The following NOP58 variants were observed in gnomAD, a reference collection of about 807,000 sequenced individuals.
The protein encoded by NOP58 is NOP58 ribonucleoprotein.
In NOP58, 44 loss-of-function variants were observed where a neutral mutation model predicts 71.2. The ratio of observed to expected loss-of-function variants is 0.62; its 90% confidence interval spans 0.49 to 0.79. The LOEUF (loss-of-function observed/expected upper bound fraction) is 0.79. Among genes scored for constraint, NOP58 ranks in the 30% least tolerant of loss-of-function variants. NOP58 has a pLI of 0.00. For missense variants in NOP58, 538 were observed against 620.2 expected (o/e 0.87, Z 1.41); for synonymous variants, 228 against 200.3 (o/e 1.14, Z -1.17).
intron 4 of NOP58, among the ~76,000 whole-genome samples, chr2:202,283,031 G>C (rs1210052136): frequency 6.6e-6 from 1 of 152,102 alleles, no homozygotes; most frequent in East Asian, 1.9e-4. Context: ...GGCTAACACA[G>C]TGAAACCCTG....
rs1215387276 is a variant in NOP58 at position 202,287,705 on chromosome 2, A to G, written c.480A>G (p.Thr160=). The G allele has an allele frequency of 1.2e-6, 2 of 1,612,974 alleles. No individual in the cohort carries two copies. The highest frequency in any genetic ancestry group is 1.7e-5 in the Admixed American group (1 of 60,010). The part of the protein sequence containing the change: ...RLKFSADKVD[T]MIVQAISLLD... ...AGTTTAGCGCTGATAAAGTAGACAC[A>G]ATGATTGTTCAGGCAATTTGTAAGT... Residue 160 remains threonine (T), a synonymous_variant, in exon 6 of 15, where the codon ACA becomes ACG. Coordinates refer to ENST00000264279, the MANE Select transcript of NOP58 (RefSeq NM_015934.5).
chr2:202,285,394 G>C (rs1295795735), intron 5 of NOP58, among the ~76,000 whole-genome samples: 3 of 145,700 alleles, frequency 2.1e-5, no homozygotes, highest in African/African-American at 7.8e-5. Context: ...TGTTGCTCAG[G>C]CTGGGGTGCA....
chr2:202,292,689 A>G (rs1432639951), intron 8 of NOP58, 88 bp from the exon 9 acceptor site: 1 of 1,042,396 alleles, frequency 9.6e-7, no homozygotes, highest in African/African-American at 1.6e-5. Flanking sequence ...CTGCTCTTTC[A>G]TAATTGAGGG....
intron 6 of NOP58, among the ~76,000 whole-genome samples, chr2:202,289,672 A>G (rs1688854434): frequency 6.6e-6 from 1 of 152,214 alleles, no homozygotes; most frequent in East Asian, 1.9e-4. Flanking sequence ...TCAACATGAT[A>G]AACCTTGAAA....
chr2:202,273,283 C>T (rs138492923), intron 1 of NOP58, among the ~76,000 whole-genome samples: 194 of 152,268 alleles, frequency 1.3e-3, no homozygotes, highest in Non-Finnish European at 2.4e-3. Context: ...CAAATAAAAC[C>T]ATTGTGTTCC....
At chr2:202,274,939 C>G (rs1380554016) in intron 1 of NOP58, among the ~76,000 whole-genome samples, 174 bp from the exon 2 acceptor site, 1 of 152,022 alleles carries the variant, frequency 6.6e-6, no homozygotes, top group Non-Finnish European at 1.5e-5. Context: ...ATGGGCAATT[C>G]GAACTAGTAA....
chr2:202,291,211 T>C lies in NOP58; in HGVS notation c.721T>C (p.Ser241Pro). Residue 241 changes from serine (S) to proline (P), a missense_variant, in exon 8 of 15, where the codon TCA becomes CCA. Coordinates refer to ENST00000264279, the MANE Select transcript of NOP58 (RefSeq NM_015934.5). ...AGAAGTGAAAGCAGCTGCAGAGATA[T>C]CAATGGGAACAGAGGTTTCAGAAGA... is the stretch of plus-strand genomic sequence containing the variant. Reference protein sequence around the residue: ...EAEVKAAAEISMGTEVSEEDI... With the variant: ...EAEVKAAAEIPMGTEVSEEDI... The C allele has an allele frequency of 1.2e-6, 2 of 1,612,982 alleles. No individual in the cohort carries two copies. The highest frequency in any genetic ancestry group is 1.7e-6 in the Non-Finnish European group (2 of 1,179,646).
At chr2:202,300,953 T>C (rs1336855096) in intron 13 of NOP58, among the ~76,000 whole-genome samples, 1 of 152,206 alleles carries the variant, frequency 6.6e-6, no homozygotes, top group East Asian at 1.9e-4. Context: ...TTTAACTTGG[T>C]TTCTAAGTAG....
chr2:202,293,047 C>G lies in NOP58; in HGVS notation c.907+144C>G, dbSNP rs757438659. ...ATGATATGTGGGAGATCACTAAGGG[C>G]CAAGTGTTCAATGATGATTTCTATT... On this transcript the variant is annotated intron_variant, in intron 9 of 14. Coordinates refer to ENST00000264279, the MANE Select transcript of NOP58 (RefSeq NM_015934.5). The G allele has an allele frequency of 5.3e-5, 46 of 866,178 alleles. No individual in the cohort carries two copies. The Middle Eastern group carries it at 6.5e-4, about 12-fold the overall frequency. The allele number at this position is 866,178 out of a possible 1,614,324, so 53.7% of individuals were successfully genotyped here.
At chr2:202,268,722 C>T (rs1688462140) in intron 1 of NOP58, among the ~76,000 whole-genome samples, 1 of 150,696 alleles carries the variant, frequency 6.6e-6, no homozygotes, top group Non-Finnish European at 1.5e-5. Flanking sequence ...AGCAATTCTC[C>T]TGCCTCAGCC....
intron 1 of NOP58, among the ~76,000 whole-genome samples, chr2:202,271,904 A>G (rs748766199): frequency 2.0e-4 from 31 of 152,064 alleles, no homozygotes; most frequent in South Asian, 1.2e-3. Context: ...GGACCACACC[A>G]CTCCACTCCA....
At chr2:202,289,542 G>T (rs568488925) in intron 6 of NOP58, among the ~76,000 whole-genome samples, 1 of 152,140 alleles carries the variant, frequency 6.6e-6, no homozygotes, top group African/African-American at 2.4e-5. Context: ...AGCCTCATAC[G>T]TGTTTGCAAA....
In NOP58 at chr2:202,265,819, G is replaced by T; in HGVS notation, c.-123G>T. ...AGCGTGTTCTGATTCTTTGCGGGAC[G>T]GCGAGCGCATTTGTGCTTTGCCCGC... On this transcript the variant is annotated 5_prime_UTR_variant, in exon 1 of 15. Transcript: ENST00000264279. The T allele has an allele frequency of 1.0e-6, 1 of 993,292 alleles. No homozygotes were observed. Among genetic ancestry groups the T allele is most frequent in the South Asian group, 1.4e-5 (1 of 73,672 alleles). The allele number at this position is 993,292 out of a possible 1,614,324, so 61.5% of individuals were successfully genotyped here. A position where few individuals can be genotyped will look rare whatever the true frequency, so the allele number is the denominator to read the frequency against.
At chr2:202,294,177 A>T (rs553628837) in intron 9 of NOP58, among the ~76,000 whole-genome samples, 1 of 151,468 alleles carries the variant, frequency 6.6e-6, no homozygotes, top group Non-Finnish European at 1.5e-5. Flanking sequence ...AAATTACCCA[A>T]CCTTGGTGGC....
At chr2:202,283,934 T>G (rs1285980752) in intron 4 of NOP58, among the ~76,000 whole-genome samples, 1 of 152,174 alleles carries the variant, frequency 6.6e-6, no homozygotes, top group Admixed American at 6.6e-5. Flanking sequence ...AAATTATGCT[T>G]CTTGTCCAAC....
intron 2 of NOP58, chr2:202,275,392 C>T: frequency 2.1e-6 from 1 of 480,958 alleles, no homozygotes; most frequent in South Asian, 2.7e-5. Context: ...AGGCAGTAGT[C>T]TCCCCCTTAC....
chr2:202,286,258 A>G (rs923437381), intron 5 of NOP58, among the ~76,000 whole-genome samples: 2 of 151,274 alleles, frequency 1.3e-5, no homozygotes, highest in Admixed American at 1.3e-4. Flanking sequence ...ACATCCCAGC[A>G]CTTTGCGAGG....
intron 1 of NOP58, among the ~76,000 whole-genome samples, chr2:202,266,965 G>C (rs1324808765): frequency 9.6e-6 from 1 of 103,970 alleles, no homozygotes; most frequent in East Asian, 2.7e-4. Flanking sequence ...CAGTATTTCA[G>C]ATTTGAAGCT....
At chr2:202,284,244 G>T in intron 4 of NOP58, 101 bp from the exon 5 acceptor site, 3 of 987,730 alleles carry the variant, frequency 3.0e-6, no homozygotes, top group Non-Finnish European at 4.4e-6. Flanking sequence ...CTGCACTCCA[G>T]CCTGGGCGAC....
Sources: gnomAD v4.1 joint callset for allele counts (sites outside exome capture counted in the v4.1 genomes callset) on GRCh38, gnomAD v4.1.1 for gene constraint, MANE v1.5 for transcripts, NCBI Gene and HGNC (gene_info 2026-07-23, HGNC 2026-07-21) for gene names.